Variants in TNS3 observed in about 807,000 individuals in gnomAD.
TNS3 encodes the protein tensin-3.
TNS3 carries 45 observed loss-of-function variants against 140.9 expected under a neutral mutation model. The observed-to-expected ratio is 0.32, with a 90% CI of 0.25 to 0.41. The LOEUF (loss-of-function observed/expected upper bound fraction) is 0.41, where lower values mean the gene tolerates loss of function less well. Among genes scored for constraint, TNS3 ranks in the 10% least tolerant of loss-of-function variants. The pLI, the probability that TNS3 is intolerant of heterozygous loss-of-function variation, is 1.00. For synonymous variants in TNS3, 815 were observed against 788.4 expected (o/e 1.03, Z -0.56); for missense variants, 1,716 against 1,906.7 (o/e 0.90, Z 1.86).
Position 47,340,585 on chromosome 7 carries a change from C to CTTTTTTTTTTTT in TNS3, c.2650+4158_2650+4169dup, listed in dbSNP as rs774726583. 1.0e-3 allele frequency among the ~76,000 whole-genome samples: 135 copies of CTTTTTTTTTTTT among 134,828 alleles called. 4 individuals carry two copies. Among genetic ancestry groups the CTTTTTTTTTTTT allele is most frequent in the African/African-American group, 3.6e-3 (130 of 36,150 alleles). 88.5% of individuals were successfully genotyped at this position (134,828 alleles called of 152,430 possible). On this transcript the variant is annotated intron_variant, in intron 20 of 30. Transcript: ENST00000311160. ...TGTTCCCTGGGATTTTCTTTTTTTT[C>CTTTTTTTTTTTT]TTTTTTTTTTTTTTGAGACAGAGTC...
At chr7:47,408,226 G>A (rs973000066) in intron 13 of TNS3, among the ~76,000 whole-genome samples, 2 of 151,952 alleles carry the variant, frequency 1.3e-5, no homozygotes, top group East Asian at 1.9e-4. Flanking sequence ...ACCCACTCAC[G>A]GCCCCTCTCT....
At chr7:47,465,539 C>A (rs1382052498) in intron 4 of TNS3, among the ~76,000 whole-genome samples, 3 of 152,190 alleles carry the variant, frequency 2.0e-5, no homozygotes, top group Non-Finnish European at 4.4e-5. Flanking sequence ...AAATCAACTG[C>A]ATCCATACAC....
chr7:47,290,641 C>T (rs974543238), intron 27 of TNS3, among the ~76,000 whole-genome samples: 4 of 152,288 alleles, frequency 2.6e-5, no homozygotes, highest in East Asian at 1.9e-4. Flanking sequence ...GATACCACTA[C>T]GCTACTATTA....
chr7:47,427,946 T>A (rs1213967279), intron 9 of TNS3, among the ~76,000 whole-genome samples: 1 of 152,222 alleles, frequency 6.6e-6, no homozygotes. Flanking sequence ...ATACAAGGTA[T>A]GAGCTGATTT....
chr7:47,309,565 G>A (rs1786962935), intron 20 of TNS3, among the ~76,000 whole-genome samples: 1 of 152,150 alleles, frequency 6.6e-6, no homozygotes, highest in Non-Finnish European at 1.5e-5. Flanking sequence ...ACCACAGAGG[G>A]TTCATTAGTA....
Position 47,431,318 on chromosome 7 carries a change from G to A in TNS3, c.325-2942C>T, listed in dbSNP as rs1055192150. Among the ~76,000 whole-genome samples the A allele has an allele frequency of 5.9e-5, 9 of 152,156 alleles. No individual in the cohort carries two copies. The East Asian group carries it at 1.5e-3, about 26-fold the overall frequency. On this transcript the variant is annotated intron_variant, in intron 8 of 30. Coordinates refer to ENST00000311160, the MANE Select transcript of TNS3 (RefSeq NM_022748.12). The stretch of plus-strand genomic sequence containing the variant: ...AATAAAAAAACCTAATGTCAGGCAG[G>A]GCGCGGTGGCTCATGCCTGTAATCC...
rs111772519 is a variant in TNS3, at chr7:47,372,136, G to A, written c.1025-2515C>T. On this transcript the variant is annotated intron_variant, in intron 16 of 30. Transcript: ENST00000311160. ...GGTGCTGATAAACGGCTTCTGCTCC[G>A]TGAGAATGACAGAAACTACTCCTCC... Among the ~76,000 whole-genome samples, 499 of 152,246 alleles carry A rather than the reference G, an allele frequency of 3.3e-3. 6 individuals are homozygous for A. Among genetic ancestry groups the A allele is most frequent in the Middle Eastern group, 0.017 (5 of 294 alleles).
chr7:47,441,475 C>A (rs186431911), intron 5 of TNS3, among the ~76,000 whole-genome samples: 18 of 152,282 alleles, frequency 1.2e-4, no homozygotes, highest in Admixed American at 2.0e-4. Flanking sequence ...TGTGCCCGGC[C>A]CATACATTTA....
At position 47,537,916 on chromosome 7, in the gene TNS3, G is replaced by A. The variant is rs1405346593; in HGVS notation, c.-264-8769C>T. On this transcript the variant is annotated intron_variant, in intron 1 of 30. Transcript: ENST00000311160. ...GGACCGCCCGGGGCCTTGCACACCT[G>A]GGGGCTGGGCTGCACCTCCCTATCT... 2.6e-5 allele frequency among the ~76,000 whole-genome samples: 4 copies of A among 152,164 alleles called. No homozygotes were observed. In the East Asian group the frequency reaches 7.8e-4, roughly 30 times the overall value.
intron 7 of TNS3, among the ~76,000 whole-genome samples, chr7:47,436,216 A>G (rs1036844598): frequency 2.6e-5 from 4 of 152,226 alleles, no homozygotes; most frequent in African/African-American, 9.7e-5. Flanking sequence ...TCTTTTCTGT[A>G]TACATTTAGC....
intron 20 of TNS3, among the ~76,000 whole-genome samples, chr7:47,340,149 G>C (rs1788912663): frequency 1.1e-5 from 1 of 89,166 alleles, no homozygotes; most frequent in African/African-American, 4.1e-5. Flanking sequence ...TTTTGAGACG[G>C]AGTCTAGCTC....
chr7:47,314,878 G>A lies in TNS3; in HGVS notation c.2651-9875C>T, dbSNP rs573682877. On this transcript the variant is annotated intron_variant, in intron 20 of 30. Transcript: ENST00000311160. ...TGCGCCTGTGGCAGCCTGTCTCTCTGCTTCAGAGGTGGAGACATAAGGGCA... is the reference window on the plus strand; with the variant it reads ...TGCGCCTGTGGCAGCCTGTCTCTCTACTTCAGAGGTGGAGACATAAGGGCA... Among the ~76,000 whole-genome samples, 4 of 152,332 alleles carry A rather than the reference G, an allele frequency of 2.6e-5. No individual in the cohort carries two copies. The East Asian group carries it at 7.7e-4, about 29-fold the overall frequency.
intron 1 of TNS3, among the ~76,000 whole-genome samples, chr7:47,575,961 G>A (rs530154608): frequency 2.0e-4 from 30 of 151,826 alleles, no homozygotes; most frequent in Middle Eastern, 3.4e-3. Context: ...CTTCACCCAC[G>A]TAGAGCCCTC....
chr7:47,566,402 A>G (rs1170239483), intron 1 of TNS3, among the ~76,000 whole-genome samples: 3 of 152,134 alleles, frequency 2.0e-5, no homozygotes, highest in Non-Finnish European at 4.4e-5. Flanking sequence ...AAAGGCACAC[A>G]TGTTTGTTTT....
intron 1 of TNS3, among the ~76,000 whole-genome samples, chr7:47,541,371 C>A (rs1799781486): frequency 6.6e-6 from 1 of 151,912 alleles, no homozygotes; most frequent in Non-Finnish European, 1.5e-5. Context: ...CACACACATG[C>A]ACACACACAC....
intron 1 of TNS3, among the ~76,000 whole-genome samples, chr7:47,532,136 C>G (rs1048931924): frequency 3.6e-4 from 55 of 152,136 alleles, no homozygotes; most frequent in Non-Finnish European, 5.6e-4. Context: ...CCTCTCCCGG[C>G]CCCCCACCTC....
intron 2 of TNS3, among the ~76,000 whole-genome samples, chr7:47,520,062 T>C (rs1029859055): frequency 1.4e-4 from 22 of 151,930 alleles, no homozygotes; most frequent in Non-Finnish European, 2.8e-4. Context: ...CCTGACCTCG[T>C]GATCCGCCTG....
At chr7:47,297,462 G>A (rs1786104939) in intron 23 of TNS3, among the ~76,000 whole-genome samples, 5 of 152,198 alleles carry the variant, frequency 3.3e-5, no homozygotes, top group Admixed American at 3.3e-4. Context: ...AGAAAGGACA[G>A]GAACATCCCT....
At chr7:47,305,517 A>G (rs578088112) in intron 20 of TNS3, among the ~76,000 whole-genome samples, 1 of 151,936 alleles carries the variant, frequency 6.6e-6, no homozygotes, top group Non-Finnish European at 1.5e-5. Context: ...TTTGGTCCCT[A>G]CCCTCCCCCC....
Sources: allele counts gnomAD v4.1 joint callset (sites outside exome capture counted in the v4.1 genomes callset), GRCh38; gene constraint gnomAD v4.1.1; transcripts MANE v1.5; gene names NCBI Gene and HGNC (gene_info 2026-07-23, HGNC 2026-07-21).